Variants in ATP8B4 observed in about 807,000 individuals in gnomAD.
The protein encoded by ATP8B4 is probable phospholipid-transporting ATPase IM.
Under a neutral mutation model 145.6 loss-of-function variants are expected in ATP8B4, and 133 were observed. The observed-to-expected ratio is 0.91, with a 90% CI of 0.79 to 1.05. The LOEUF is 1.05. Among genes scored for constraint, ATP8B4 ranks in the 50% least tolerant of loss-of-function variants. The pLI, the probability that ATP8B4 is intolerant of heterozygous loss-of-function variation, is 0.00. For synonymous variants in ATP8B4, 507 were observed against 492.9 expected, an observed-to-expected ratio of 1.03 and a Z score of -0.38; for missense variants, 1,458 against 1,425.2, an observed-to-expected ratio of 1.02 and a Z score of -0.37.
At chr15:50,156,455 G>A (rs541112000) in intron 1 of ATP8B4, among the ~76,000 whole-genome samples, 16 of 152,086 alleles carry the variant, frequency 1.1e-4, no homozygotes, top group African/African-American at 3.6e-4. Context: ...TAATGCTGCT[G>A]TAATTTGTAA....
intron 12 of ATP8B4, among the ~76,000 whole-genome samples, chr15:49,975,032 A>G (rs1457499810): frequency 6.6e-6 from 1 of 152,170 alleles, no homozygotes; most frequent in Non-Finnish European, 1.5e-5. Context: ...TCTTAACTAT[A>G]ATCACCCATT....
chr15:49,930,563 G>C (rs1049405061), intron 16 of ATP8B4, among the ~76,000 whole-genome samples: 5 of 152,056 alleles, frequency 3.3e-5, no homozygotes, highest in Admixed American at 2.6e-4. Flanking sequence ...TGATAATGAG[G>C]AGGCTGAGGA....
chr15:49,991,194 T>C (rs551767025), intron 9 of ATP8B4, among the ~76,000 whole-genome samples: 1 of 152,276 alleles, frequency 6.6e-6, no homozygotes, highest in African/African-American at 2.4e-5. Flanking sequence ...GCTATTTTTT[T>C]TAACCAAAAA....
chr15:50,067,094 A>G (rs2153629056), intron 3 of ATP8B4, among the ~76,000 whole-genome samples: 1 of 152,034 alleles, frequency 6.6e-6, no homozygotes, highest in Non-Finnish European at 1.5e-5. Context: ...CCCATACCTC[A>G]CATTTAGCAA....
rs1395246010 is a variant in ATP8B4 at position 50,156,107 on chromosome 15, A to AAT, written c.-43+26152_-43+26153dup. ...ATATATATATAAATATATATATATA[A>AAT]ATATATATATAAATATATTTATATA... is the stretch of plus-strand genomic sequence containing the variant. On this transcript the variant is annotated intron_variant, in intron 1 of 3. Transcript: ENST00000558829. Among the ~76,000 whole-genome samples the AAT allele has an allele frequency of 3.3e-3, 89 of 27,134 alleles. 7 individuals carry two copies. The highest frequency in any genetic ancestry group is 0.016 in the South Asian group (15 of 914). The allele number at this position is 27,134 out of a possible 152,430, so 17.8% of individuals were successfully genotyped here.
At chr15:49,960,013 C>A (rs1156537664) in intron 14 of ATP8B4, among the ~76,000 whole-genome samples, 1 of 150,616 alleles carries the variant, frequency 6.6e-6, no homozygotes, top group African/African-American at 2.4e-5. Context: ...GAGCCTTGAG[C>A]CTTGTCAATA....
rs549666735 is a variant in ATP8B4, at chr15:50,159,148, T to C, written c.-43+23113A>G. Among the ~76,000 whole-genome samples the C allele has an allele frequency of 6.4e-4, 98 of 152,366 alleles. No homozygotes were observed. The Middle Eastern group carries it at 0.01, about 16-fold the overall frequency. ...TTCCAATCCATGAACATGAAATATC[T>C]TTCCTTTTTTGTGTCCTCTTCAAAT... On this transcript the variant is annotated intron_variant, in intron 1 of 3. Transcript: ENST00000558829.
chr15:50,025,837 C>T (rs2049966869), intron 6 of ATP8B4, among the ~76,000 whole-genome samples: 1 of 152,174 alleles, frequency 6.6e-6, no homozygotes, highest in South Asian at 2.1e-4. Flanking sequence ...ACAGGATTCA[C>T]TCAATAAAGA....
At chr15:50,075,871 C>T (rs1277167448) in intron 2 of ATP8B4, among the ~76,000 whole-genome samples, 1 of 152,134 alleles carries the variant, frequency 6.6e-6, no homozygotes, top group African/African-American at 2.4e-5. Flanking sequence ...ATTTATATAA[C>T]ATCACCATAA....
At chr15:49,866,698 G>T (rs1011046336) in intron 25 of ATP8B4, among the ~76,000 whole-genome samples, 2 of 152,274 alleles carry the variant, frequency 1.3e-5, no homozygotes, top group South Asian at 4.1e-4. Context: ...ACTTCTATAC[G>T]CAAGCCATTA....
intron 25 of ATP8B4, among the ~76,000 whole-genome samples, chr15:49,872,030 C>A (rs1363155303): frequency 6.6e-6 from 1 of 152,190 alleles, no homozygotes; most frequent in Non-Finnish European, 1.5e-5. Context: ...AGCAGCACCA[C>A]CTCTTTTAAA....
At chr15:50,014,384 T>G (rs940732912) in intron 6 of ATP8B4, among the ~76,000 whole-genome samples, 2 of 152,264 alleles carry the variant, frequency 1.3e-5, no homozygotes, top group African/African-American at 4.8e-5. Flanking sequence ...CAGCAGGCAC[T>G]CAGTAAGTAT....
chr15:49,908,051 T>C lies in ATP8B4; in HGVS notation c.2142-6812A>G, dbSNP rs114308875. ...CTTTGGGCAAGTTACTTACCCTCTA[T>C]ATACTTCGACTTCCTCATATGTCCA... On this transcript the variant is annotated intron_variant, in intron 20 of 27. Coordinates refer to ENST00000284509, the MANE Select transcript of ATP8B4 (RefSeq NM_024837.4). The C allele has an allele frequency of 2.0e-3, 935 of 456,100 alleles. 10 individuals carry two copies. Among genetic ancestry groups the C allele is most frequent in the African/African-American group, 0.017 (844 of 50,192 alleles). 28.3% of individuals were successfully genotyped at this position (456,100 alleles called of 1,614,324 possible). A position where few individuals can be genotyped will look rare whatever the true frequency, so the allele number is the denominator to read the frequency against.
intron 25 of ATP8B4, among the ~76,000 whole-genome samples, chr15:49,871,308 A>G (rs570525083): frequency 1.3e-5 from 2 of 152,228 alleles, no homozygotes; most frequent in East Asian, 3.9e-4. Flanking sequence ...TTGTTCTCAT[A>G]TTTCTTGAAA....
At chr15:49,989,423 T>TAAA (rs11429655) in intron 9 of ATP8B4, among the ~76,000 whole-genome samples, 4 of 148,484 alleles carry the variant, frequency 2.7e-5, no homozygotes, top group African/African-American at 9.9e-5. Context: ...CCTAGCCACT[T>TAAA]AAAAAAAAAA....
chr15:49,961,225 G>C (rs1282839752), intron 14 of ATP8B4, among the ~76,000 whole-genome samples: 1 of 151,872 alleles, frequency 6.6e-6, no homozygotes, highest in Non-Finnish European at 1.5e-5. Context: ...AACAAGAGAA[G>C]TTAAAATTAG....
Position 50,031,429 on chromosome 15 carries a change from A to G in ATP8B4, c.362+7339T>C, listed in dbSNP as rs117971624. On this transcript the variant is annotated intron_variant, in intron 6 of 27. Coordinates refer to ENST00000284509, the MANE Select transcript of ATP8B4 (RefSeq NM_024837.4). ...TAACCACTCTAATTTCAAGCCCACA[A>G]TTGAAAGGGAATAACTCAATGGAGG... 6.4e-3 allele frequency among the ~76,000 whole-genome samples: 968 copies of G among 152,216 alleles called. 6 individuals are homozygous for G. The highest frequency in any genetic ancestry group is 9.3e-3 in the Non-Finnish European group (630 of 67,998).
intron 3 of ATP8B4, among the ~76,000 whole-genome samples, chr15:50,072,974 CTCTCTCTATATATATATATATATA>C (rs2053898288): frequency 7.4e-5 from 2 of 26,846 alleles, no homozygotes; most frequent in Non-Finnish European, 1.3e-4. Context: ...CTCTCTCTCT[CTCTCTCTATATATATATATATATA>C]TATATATATA....
intron 1 of ATP8B4, among the ~76,000 whole-genome samples, chr15:50,125,522 G>A (rs2057301498): frequency 6.6e-6 from 1 of 152,118 alleles, no homozygotes; most frequent in Admixed American, 6.6e-5. Flanking sequence ...CAACCCCTCT[G>A]CAAGGCATTG....
Sources: allele counts gnomAD v4.1 joint callset (sites outside exome capture counted in the v4.1 genomes callset), GRCh38; gene constraint gnomAD v4.1.1; transcripts MANE v1.5; gene names NCBI Gene and HGNC (gene_info 2026-07-23, HGNC 2026-07-21).